AGTPBP1: variants seen among roughly 807,000 people sequenced by gnomAD.
AGTPBP1 encodes the protein cytosolic carboxypeptidase 1.
Under a neutral mutation model 143.9 loss-of-function variants are expected in AGTPBP1, and 70 were observed. The ratio of observed to expected loss-of-function variants is 0.49; its 90% CI spans 0.40 to 0.59. The LOEUF (loss-of-function observed/expected upper bound fraction) is 0.59. Ranked by LOEUF, AGTPBP1 falls within the 20% of genes least tolerant of loss-of-function variation. The pLI is 0.00. For synonymous variants in AGTPBP1, 463 were observed against 500.2 expected (o/e 0.93, Z 0.99); for missense variants, 1,229 against 1,464.5 (o/e 0.84, Z 2.62).
intron 17 of AGTPBP1, among the ~76,000 whole-genome samples, chr9:85,607,591 G>T (rs780707390): frequency 6.6e-6 from 1 of 152,004 alleles, no homozygotes; most frequent in Non-Finnish European, 1.5e-5. Flanking sequence ...TAAATTTTTT[G>T]CCTCAAATAT....
upstream of AGTPBP1, among the ~76,000 whole-genome samples, chr9:85,743,209 T>G (rs977347724): frequency 6.6e-6 from 1 of 152,222 alleles, no homozygotes; most frequent in African/African-American, 2.4e-5. Flanking sequence ...AATATGTATG[T>G]AATATACCTG....
chr9:85,702,549 G>GT (rs1471612584), intron 2 of AGTPBP1, among the ~76,000 whole-genome samples: 1 of 150,616 alleles, frequency 6.6e-6, no homozygotes, highest in Non-Finnish European at 1.5e-5. Flanking sequence ...CTTCACAGAG[G>GT]TAACTACATC....
At chr9:85,744,209 G>T (rs1247134749), upstream of AGTPBP1, among the ~76,000 whole-genome samples, 1 of 152,054 alleles carries the variant, frequency 6.6e-6, no homozygotes, top group African/African-American at 2.4e-5. Context: ...GAGATTACAG[G>T]CATTAATACC....
chr9:85,757,178 C>A, the AGTPBP1 span, among the ~76,000 whole-genome samples: 1 of 152,036 alleles, frequency 6.6e-6, no homozygotes, highest in African/African-American at 2.4e-5. Context: ...GTGATTCTCC[C>A]GTCTCAGCCT....
intron 14 of AGTPBP1, among the ~76,000 whole-genome samples, chr9:85,628,869 C>T (rs1466985347): frequency 6.6e-6 from 1 of 152,096 alleles, no homozygotes; most frequent in Non-Finnish European, 1.5e-5. Flanking sequence ...GCATGTGCCA[C>T]CACACCCAGC....
rs1213352999 is a variant in AGTPBP1, at chr9:85,636,700, A to C, written c.1303-3326T>G. Among the ~76,000 whole-genome samples, 3 of 152,318 alleles carry C rather than the reference A, an allele frequency of 2.0e-5. No individual in the cohort carries two copies. In the East Asian group the frequency reaches 5.8e-4, roughly 29 times the overall value. ...GAAAAAAGAGGTTAAAAGACATGAA[A>C]GGGAGTAAAAAGGTCTACGTTCAAT... On this transcript the variant is annotated intron_variant, in intron 13 of 25. Transcript: ENST00000357081.
chr9:85,773,242 G>A, the AGTPBP1 span, among the ~76,000 whole-genome samples: 2 of 135,076 alleles, frequency 1.5e-5, no homozygotes, highest in Non-Finnish European at 3.1e-5. Flanking sequence ...TCCAGCTTGG[G>A]TGACAGAGAG....
chr9:85,598,894 T>C (rs971772413), intron 17 of AGTPBP1, among the ~76,000 whole-genome samples: 6 of 152,156 alleles, frequency 3.9e-5, no homozygotes, highest in African/African-American at 1.4e-4. Context: ...CTAATTTTTG[T>C]ATTTTTTGGT....
intron 8 of AGTPBP1, among the ~76,000 whole-genome samples, chr9:85,663,419 TC>T (rs1833955799): frequency 6.6e-6 from 1 of 152,030 alleles, no homozygotes. Context: ...AGTGCTTTGA[TC>T]CCATCTAACA....
chr9:85,753,789 GAT>G, the AGTPBP1 span, among the ~76,000 whole-genome samples: 1 of 149,548 alleles, frequency 6.7e-6, no homozygotes, highest in Non-Finnish European at 1.5e-5. Context: ...TAGATAGATA[GAT>G]AGATAGATAG....
intron 25 of AGTPBP1, among the ~76,000 whole-genome samples, chr9:85,565,071 C>A (rs1156629906): frequency 6.6e-6 from 1 of 152,164 alleles, no homozygotes; most frequent in African/African-American, 2.4e-5. Context: ...ATCTCCAGAA[C>A]TGTGAGACAT....
intron 21 of AGTPBP1, among the ~76,000 whole-genome samples, chr9:85,588,049 A>G (rs1481840226): frequency 2.0e-5 from 3 of 152,198 alleles, no homozygotes; most frequent in African/African-American, 4.8e-5. Flanking sequence ...TTATGAAAGC[A>G]TATTCCCATG....
intron 1 of AGTPBP1, among the ~76,000 whole-genome samples, chr9:85,727,275 C>T (rs1396804504): frequency 6.6e-6 from 1 of 152,026 alleles, no homozygotes; most frequent in Non-Finnish European, 1.5e-5. Flanking sequence ...TGAAGTGAGC[C>T]GAGACTGCAC....
At chr9:85,730,934 A>G (rs555432679) in intron 1 of AGTPBP1, among the ~76,000 whole-genome samples, 1 of 152,304 alleles carries the variant, frequency 6.6e-6, no homozygotes, top group South Asian at 2.1e-4. Context: ...ATACATTCCA[A>G]CAATTCTTTA....
At chr9:85,766,588 C>T in the AGTPBP1 span, among the ~76,000 whole-genome samples, 1 of 151,968 alleles carries the variant, frequency 6.6e-6, no homozygotes, top group African/African-American at 2.4e-5. Flanking sequence ...ACCTATTTTG[C>T]GGCTATTCTG....
At chr9:85,661,567 A>G (rs1174513069) in intron 8 of AGTPBP1, among the ~76,000 whole-genome samples, 3 of 152,082 alleles carry the variant, frequency 2.0e-5, no homozygotes, top group African/African-American at 7.2e-5. Flanking sequence ...AGCCTAACTA[A>G]TATCTCAAAA....
At chr9:85,773,904 C>T in the AGTPBP1 span, 1 of 1,609,232 alleles carries the variant, frequency 6.2e-7, no homozygotes, top group Non-Finnish European at 8.5e-7. Context: ...AATGAAAGTT[C>T]TGGAACGGGA....
the AGTPBP1 span, among the ~76,000 whole-genome samples, chr9:85,749,069 C>CGT: frequency 7.3e-6 from 1 of 136,838 alleles, no homozygotes; most frequent in Admixed American, 8.1e-5. Flanking sequence ...GTGGTGTGAT[C>CGT]GTGGCTCACT....
intron 25 of AGTPBP1, among the ~76,000 whole-genome samples, chr9:85,557,796 G>GA (rs1482838121): frequency 6.6e-6 from 1 of 152,090 alleles, no homozygotes; most frequent in African/African-American, 2.4e-5. Flanking sequence ...TTCACATAAG[G>GA]AAAATACAGA....
Sources: allele counts gnomAD v4.1 joint callset (sites outside exome capture counted in the v4.1 genomes callset), GRCh38; gene constraint gnomAD v4.1.1; transcripts MANE v1.5; gene names NCBI Gene and HGNC (gene_info 2026-07-23, HGNC 2026-07-21).